The following COL2A1 variants were observed in gnomAD, a reference collection of about 807,000 sequenced individuals.
COL2A1 encodes collagen type II alpha 1 chain, also known as collagen alpha-1(II) chain.
Under a neutral mutation model 204.5 loss-of-function variants are expected in COL2A1, and 28 were observed. The ratio of observed to expected loss-of-function variants is 0.14; its 90% confidence interval spans 0.10 to 0.19. The LOEUF (loss-of-function observed/expected upper bound fraction) is 0.19, where lower values mean the gene tolerates loss of function less well. COL2A1 is among the 10% of genes least tolerant of loss of function. The pLI, the probability that COL2A1 is intolerant of heterozygous loss-of-function variation, is 1.00. For missense variants in COL2A1, 1,388 were observed against 2,027.5 expected (o/e 0.68, Z 6.06); for synonymous variants, 708 against 718.7 (o/e 0.99, Z 0.24).
intron 2 of COL2A1, chr12:47,999,698 T>C: frequency 2.2e-6 from 1 of 447,980 alleles, no homozygotes; most frequent in Non-Finnish European, 3.9e-6. Context: ...GCAAATGTTT[T>C]TGGAGATGTT....
chr12:47,980,063 C>A lies in COL2A1; in HGVS notation c.2626-1G>T. ...TAGGACCAGTCACTCCAGTAGGACC[C>A]TGGAAAGGAAAGAGGGAGACAGTGA... On this transcript the variant is annotated splice_acceptor_variant, in intron 39 of 53. Transcript: ENST00000380518. LOFTEE classifies it high-confidence loss of function. The surrounding 1 kb of genome is among the most constrained non-coding windows in gnomAD (Gnocchi z 4.5). The A allele has an allele frequency of 6.4e-7, 1 of 1,553,648 alleles. No individual in the cohort carries two copies. The highest frequency in any genetic ancestry group is 8.7e-7 in the Non-Finnish European group (1 of 1,148,432).
At chr12:48,001,549 G>C (rs1322994047) in intron 1 of COL2A1, among the ~76,000 whole-genome samples, 1 of 152,154 alleles carries the variant, frequency 6.6e-6, no homozygotes, top group South Asian at 2.1e-4. Context: ...AGGACCCAGG[G>C]AGGAGAGGGG....
At position 47,987,538 on chromosome 12, in the gene COL2A1, G is replaced by T. The variant is rs910802885; in HGVS notation, c.1221+73C>A. The T allele has an allele frequency of 4.4e-6, 6 of 1,358,684 alleles. No individual in the cohort carries two copies. The African/African-American group carries it at 5.8e-5, about 13-fold the overall frequency. The allele number at this position is 1,358,684 out of a possible 1,614,324, so 84.2% of individuals were successfully genotyped here. A position where few individuals can be genotyped will look rare whatever the true frequency, so the allele number is the denominator to read the frequency against. On this transcript the variant is annotated intron_variant, in intron 19 of 53. Transcript: ENST00000380518. This position sits in a 1 kb window ranked among gnomAD's most constrained non-coding sequence, Gnocchi z 4.1. ...GTGGTTGGAGCCCACAACTGTCAGA[G>T]CAAAGTACAGAGTCAAGAGTTCCAA... is the stretch of plus-strand genomic sequence containing the variant.
intron 12 of COL2A1, 70 bp from the exon 13 acceptor site, chr12:47,994,117 G>A (rs1592230256): frequency 1.3e-6 from 2 of 1,563,048 alleles, no homozygotes; most frequent in Non-Finnish European, 1.8e-6. Flanking sequence ...TGGGCTGCAG[G>A]AGGGCCTCCA....
intron 51 of COL2A1, 122 bp downstream of exon 51, chr12:47,975,195 C>G (rs1938639227): frequency 1.6e-6 from 2 of 1,279,196 alleles, no homozygotes; most frequent in South Asian, 1.3e-5. Context: ...GAGAGGAACC[C>G]TCTGGCGGAA....
intron 1 of COL2A1, 112 bp downstream of exon 1, chr12:48,004,125 G>A (rs1436955879): frequency 6.3e-6 from 5 of 788,440 alleles, no homozygotes; most frequent in Non-Finnish European, 2.2e-6. Context: ...TACGACCCCG[G>A]GAGCCGTTTT....
chr12:47,973,545 G>A lies in COL2A1; in HGVS notation c.4326C>T (p.Thr1442=), dbSNP rs201223454. The A allele has an allele frequency of 3.5e-5, 57 of 1,613,912 alleles. 1 individual carries two copies. The South Asian group carries it at 3.8e-4, about 11-fold the overall frequency. ...TALKDGCTKH[T]GKWGKTVIEY... is the part of the protein sequence containing the mutation. ...CGATAACAGTCTTGCCCCACTTACC[G>A]GTATGTTTCTAGGGGAGAAAAAAGG... The change falls in exon 54 of 54, where the codon ACC becomes ACT. Residue 1442 remains threonine (T), a synonymous_variant. Transcript: ENST00000380518.
intron 40 of COL2A1, 65 bp from the exon 41 acceptor site, chr12:47,979,629 C>CG: frequency 2.7e-6 from 2 of 744,894 alleles, no homozygotes; most frequent in Non-Finnish European, 4.1e-6. Flanking sequence ...TTAAAATGGG[C>CG]GGGGGGCGGG....
At chr12:47,996,754 A>G (rs1939984656) in intron 7 of COL2A1, 129 bp from the exon 8 acceptor site, 5 of 813,688 alleles carry the variant, frequency 6.1e-6, no homozygotes, top group East Asian at 2.4e-5. Flanking sequence ...CTAACCTATC[A>G]TTGATCAGAA....
In COL2A1 at chr12:47,995,376, T is replaced by G. The variant is rs113812393; in HGVS notation, c.709-68A>C. ...AAGACACCTAAGCAATGGACAAAACTTTGACATTGTAGTTTTGGAAGCCAG... is the reference window on the plus strand; with the variant it reads ...AAGACACCTAAGCAATGGACAAAACGTTGACATTGTAGTTTTGGAAGCCAG... On this transcript the variant is annotated intron_variant, in intron 10 of 53. Transcript: ENST00000380518. The G allele has an allele frequency of 3.0e-6, 4 of 1,346,808 alleles. No individual in the cohort carries two copies. In the East Asian group the frequency reaches 6.9e-5, roughly 23 times the overall value. The allele number at this position is 1,346,808 out of a possible 1,614,324, so 83.4% of individuals were successfully genotyped here. A position where few individuals can be genotyped will look rare whatever the true frequency, so the allele number is the denominator to read the frequency against.
chr12:47,986,548 T>TTG lies in COL2A1; in HGVS notation c.1420-106_1420-105insCA, dbSNP rs1555167310. On this transcript the variant is annotated intron_variant, in intron 22 of 53. Coordinates refer to ENST00000380518, the MANE Select transcript of COL2A1 (RefSeq NM_001844.5). Reference sequence around the variant, plus strand: ...GTAGCCTTGGCAACTGTTTCAGGGCTGGGGGGGGGCTTGAGGACGAGAGGC... The same window carrying TTG: ...GTAGCCTTGGCAACTGTTTCAGGGCTTGGGGGGGGGGCTTGAGGACGAGAGGC... 1.8e-5 allele frequency: 12 copies of TTG among 673,896 alleles called. No homozygotes were observed. The African/African-American group carries it at 1.9e-4, about 10-fold the overall frequency. 41.7% of individuals were successfully genotyped at this position (673,896 alleles called of 1,614,324 possible). A position where few individuals can be genotyped will look rare whatever the true frequency, so the allele number is the denominator to read the frequency against.
In COL2A1 at chr12:47,981,359, C is replaced by G; in HGVS notation, c.2447G>C (p.Gly816Ala). ...VGPPGPAGSA[G>A]ARGAPGERGE... ...GACACTCACCGGAGCGCCACGAGCA[C>G]CAGCACTTCCTGCAGGACCAGGAGG... is the stretch of plus-strand genomic sequence containing the variant. Residue 816 changes from glycine (G) to alanine (A), a missense_variant, in exon 37 of 54, where the codon GGT (glycine) becomes GCT (alanine). Physicochemically the swap from Gly to Ala is moderately conservative, Grantham distance 60 (BLOSUM62 0). Coordinates refer to ENST00000380518, the MANE Select transcript of COL2A1 (RefSeq NM_001844.5). The G allele has an allele frequency of 6.2e-7, 1 of 1,612,978 alleles. No individual in the cohort carries two copies. Among genetic ancestry groups the G allele is most frequent in the Non-Finnish European group, 8.5e-7 (1 of 1,179,874 alleles).
intron 22 of COL2A1, 38 bp downstream of exon 22, chr12:47,986,797 G>A (rs768154622): frequency 1.2e-6 from 2 of 1,612,284 alleles, no homozygotes; most frequent in South Asian, 1.1e-5. Flanking sequence ...TCATAGAACA[G>A]CAGCAGAGAA....
intron 26 of COL2A1, among the ~76,000 whole-genome samples, chr12:47,985,295 A>T (rs889075669): frequency 6.6e-6 from 1 of 152,176 alleles, no homozygotes; most frequent in Non-Finnish European, 1.5e-5. Context: ...GAAAGTGCAC[A>T]CACGATGTCA....
chr12:47,979,815 G>A (rs1938939817), intron 40 of COL2A1, among the ~76,000 whole-genome samples, 194 bp downstream of exon 40: 1 of 152,212 alleles, frequency 6.6e-6, no homozygotes, highest in African/African-American at 2.4e-5. Context: ...GCCTCGGGCT[G>A]GGGAATCCGG....
chr12:47,974,855 G>A lies in COL2A1; in HGVS notation c.3894C>T (p.Tyr1298=). 6.2e-7 allele frequency: 1 copy of A among 1,613,612 alleles called. No homozygotes were observed. The highest frequency in any genetic ancestry group is 8.5e-7 in the Non-Finnish European group (1 of 1,179,618). ...TGCAGCCTTGGTTGGGGTCAATCCAGTAGTCTCCTGCAGGGGGAAGAGGCA... is the reference window on the plus strand; with the variant it reads ...TGCAGCCTTGGTTGGGGTCAATCCAATAGTCTCCTGCAGGGGGAAGAGGCA... ...LCHPEWKSGD[Y]WIDPNQGCTL... Residue 1298 remains tyrosine (Y), a synonymous_variant, in exon 52 of 54, where the codon TAC becomes TAT. Transcript: ENST00000380518.
At chr12:47,993,764 A>G (rs1187559865) in intron 14 of COL2A1, 45 bp downstream of exon 14, 2 of 1,598,340 alleles carry the variant, frequency 1.3e-6, no homozygotes, top group Non-Finnish European at 1.7e-6. Flanking sequence ...GGGGCTCCTC[A>G]TTGTCTCCCT....
Position 47,978,825 on chromosome 12 carries a change from C to T in COL2A1, c.2734-67G>A, listed in dbSNP as rs1938880068. ...TTCCTCATCCAGGCTGCCAAAGTCA[C>T]TGTGGCCTCAGTGACAGCAGTTTCC... On this transcript the variant is annotated intron_variant, in intron 41 of 53. Transcript: ENST00000380518. This position sits in a 1 kb window ranked among gnomAD's most constrained non-coding sequence, Gnocchi z 5.5. 1.3e-6 allele frequency: 2 copies of T among 1,568,316 alleles called. No individual in the cohort carries two copies. Among genetic ancestry groups the T allele is most frequent in the Non-Finnish European group, 1.8e-6 (2 of 1,142,252 alleles).
In COL2A1 at chr12:48,000,016, G is replaced by A. The variant is rs202210896; in HGVS notation, c.195C>T (p.Asp65=). ...CVCDTGTVLC[D]DIICEDVKDC... ...CTTTCACGTCTTCACAGATTATGTC[G>A]TCGCAGAGGACAGTCCCAGTGTCAC... The change falls in exon 2 of 54, where the codon GAC becomes GAT. Residue 65 remains aspartate, a synonymous_variant. Coordinates refer to ENST00000380518, the MANE Select transcript of COL2A1 (RefSeq NM_001844.5). 9.9e-4 allele frequency: 1,604 copies of A among 1,613,934 alleles called. 1 individual carries two copies. Among genetic ancestry groups the A allele is most frequent in the Non-Finnish European group, 1.3e-3 (1,514 of 1,179,814 alleles).
Sources: gnomAD v4.1 joint callset for allele counts (sites outside exome capture counted in the v4.1 genomes callset) on GRCh38, gnomAD v4.1.1 for gene constraint, Gnocchi (gnomAD v3.1) non-coding constraint, MANE v1.5 for transcripts, NCBI Gene and HGNC (gene_info 2026-07-23, HGNC 2026-07-21) for gene names.